Variants in KCNG4 observed in about 807,000 individuals in gnomAD.
The protein encoded by KCNG4 is voltage-gated potassium channel regulatory subunit KCNG4.
In KCNG4, 30 loss-of-function variants were observed where a neutral mutation model predicts 28.2. The ratio of observed to expected loss-of-function variants is 1.06; its 90% CI spans 0.80 to 1.44. The LOEUF is 1.44. KCNG4 is among the 40% of genes most tolerant of loss of function. The pLI, the probability that KCNG4 is intolerant of heterozygous loss-of-function variation, is 0.00. For missense variants in KCNG4, 879 were observed against 712.3 expected, an observed-to-expected ratio of 1.23 and a Z score of -2.66; for synonymous variants, 375 against 315.5, an observed-to-expected ratio of 1.19 and a Z score of -2.00.
rs754613945 is a variant in KCNG4, at chr16:84,237,171, G to T, written c.315C>A (p.Asp105Glu). The stretch of plus-strand genomic sequence containing the variant: ...CGAAGAAGAACTCCTGGCTGTCCTC[G>T]TCGTAATCATCGCAGAGCTGCACGA... ...EEIVQLCDDY[D>E]EDSQEFFFDR... The change falls in exon 2 of 3, where the codon GAC becomes GAA. Residue 105 changes from aspartate to glutamate, a missense_variant. Asp to Glu is a conservative substitution (Grantham distance 45, BLOSUM62 2). Coordinates refer to ENST00000308251, the MANE Select transcript of KCNG4 (RefSeq NM_172347.3). The T allele has an allele frequency of 1.2e-6, 2 of 1,614,098 alleles. No individual in the cohort carries two copies. The highest frequency in any genetic ancestry group is 1.7e-6 in the Non-Finnish European group (2 of 1,180,028).
intron 2 of KCNG4, among the ~76,000 whole-genome samples, chr16:84,223,321 C>T (rs1269250633): frequency 6.6e-6 from 1 of 152,182 alleles, no homozygotes; most frequent in African/African-American, 2.4e-5. Flanking sequence ...CTCTTTCCAT[C>T]CTTCCTGTGA....
intron 2 of KCNG4, among the ~76,000 whole-genome samples, chr16:84,225,424 G>C (rs1362249629): frequency 1.3e-5 from 2 of 152,186 alleles, no homozygotes; most frequent in Non-Finnish European, 2.9e-5. Context: ...AAGCCCCCAG[G>C]GTGCTTGTTG....
At chr16:84,233,367 C>A (rs934172038) in intron 2 of KCNG4, among the ~76,000 whole-genome samples, 1 of 152,122 alleles carries the variant, frequency 6.6e-6, no homozygotes, top group African/African-American at 2.4e-5. Context: ...CACAAAATGG[C>A]CCTGAGGCTG....
rs746151170 is a variant in KCNG4, at chr16:84,222,658, C to G, written c.1119G>C (p.Leu373=). ...TGGCCACGGCCAGGAAGAGAAGGAG[C>G]AGGCCGAACTCACGTGTGCAACGGC... The part of the protein sequence containing the change: ...TVRRCTREFG[L]LLLFLAVAIT... The change falls in exon 3 of 3, where the codon CTG becomes CTC. Residue 373 remains leucine, a synonymous_variant. Transcript: ENST00000308251. The G allele has an allele frequency of 6.2e-7, 1 of 1,613,250 alleles. No homozygotes were observed. The highest frequency in any genetic ancestry group is 1.7e-5 in the Admixed American group (1 of 59,984).
chr16:84,237,124 C>T lies in KCNG4; in HGVS notation c.362G>A (p.Gly121Glu), dbSNP rs139917975. Residue 121 changes from glycine (G) to glutamate (E), a missense_variant, in exon 2 of 3, where the codon GGG (glycine) becomes GAG (glutamate). Gly to Glu is a moderately conservative substitution (Grantham distance 98). Transcript: ENST00000308251. The part of the protein sequence containing the change: ...FFFDRSPSAF[G>E]VIVSFLAAGK... Reference sequence around the variant, plus strand: ...GGCCGCCAGGAAGCTCACGATCACCCCGAAGGCGCTGGGGCTCCTGTCGAA... The same window carrying T: ...GGCCGCCAGGAAGCTCACGATCACCTCGAAGGCGCTGGGGCTCCTGTCGAA... 4.0e-4 allele frequency: 642 copies of T among 1,614,184 alleles called. 2 individuals are homozygous for T. The highest frequency in any genetic ancestry group is 4.9e-4 in the Non-Finnish European group (581 of 1,180,044).
Position 84,231,416 on chromosome 16 carries a change from TG to T in KCNG4, c.756+5313del, listed in dbSNP as rs145517759. 6.4e-3 allele frequency among the ~76,000 whole-genome samples: 973 copies of T among 151,924 alleles called. 10 individuals are homozygous for T. Among genetic ancestry groups the T allele is most frequent in the African/African-American group, 0.023 (941 of 41,412 alleles). ...AAGACAGTCCACTGCAGGTGGCCAG[TG>T]GTGTTCAGGCTGCCAGGAGGGAGGG... is the stretch of plus-strand genomic sequence containing the variant. On this transcript the variant is annotated intron_variant, in intron 2 of 2. Transcript: ENST00000308251.
At chr16:84,237,732 T>C (rs1331962714) in intron 1 of KCNG4, among the ~76,000 whole-genome samples, 2 of 152,188 alleles carry the variant, frequency 1.3e-5, no homozygotes, top group Non-Finnish European at 2.9e-5. Flanking sequence ...AACCCTTCCC[T>C]GGTGGAACCT....
chr16:84,222,804 C>T lies in KCNG4; in HGVS notation c.973G>A (p.Gly325Arg), dbSNP rs7196482. The change falls in exon 3 of 3, where the codon GGG becomes AGG. Residue 325 changes from glycine (G) to arginine (R), a missense_variant. Coordinates refer to ENST00000308251, the MANE Select transcript of KCNG4 (RefSeq NM_172347.3). ...EPPEDGERPS[G>R]SSYLEKVGLV... is the part of the protein sequence containing the mutation. ...CCCACCTTCTCCAGGTAGGAGCTCC[C>T]GCTCGGCCTCTCGCCGTCCTCCGGG... is the stretch of plus-strand genomic sequence containing the variant. The T allele has an allele frequency of 0.22, 353,670 of 1,609,004 alleles. 40,572 individuals carry two copies. The highest frequency in any genetic ancestry group is 0.23 in the South Asian group (20,831 of 90,832).
chr16:84,237,390 C>A lies in KCNG4; in HGVS notation c.96G>T (p.Glu32Asp). 1 of 1,533,208 alleles carries A rather than the reference C, an allele frequency of 6.5e-7. No individual in the cohort carries two copies. The highest frequency in any genetic ancestry group is 8.8e-7 in the Non-Finnish European group (1 of 1,141,838). 95.0% of individuals were successfully genotyped at this position (1,533,208 alleles called of 1,614,324 possible). A position where few individuals can be genotyped will look rare whatever the true frequency, so the allele number is the denominator to read the frequency against. The change falls in exon 2 of 3, where the codon GAG (glutamate) becomes GAT (aspartate). Residue 32 changes from glutamate to aspartate, a missense_variant. Glu to Asp is a conservative substitution (Grantham distance 45). Coordinates refer to ENST00000308251, the MANE Select transcript of KCNG4 (RefSeq NM_172347.3). ...AGTAAAGGCCCTTGATGGACGGCGT[C>A]TCCATGGGGCTGGACAGGAGCTGAC... ...PWSQLLSSPM[E>D]TPSIKGLYYR...
chr16:84,237,903 A>C (rs974236591), intron 1 of KCNG4, among the ~76,000 whole-genome samples: 8 of 152,148 alleles, frequency 5.3e-5, no homozygotes, highest in African/African-American at 1.9e-4. Context: ...ATTCATTCAA[A>C]TGACAAGACT....
intron 2 of KCNG4, 190 bp downstream of exon 2, chr16:84,236,540 T>C (rs1285222180): frequency 2.9e-6 from 2 of 686,786 alleles, no homozygotes; most frequent in South Asian, 2.5e-5. Flanking sequence ...AGGACTCCAA[T>C]AAAAAAAAAA....
rs975751269 is a variant in KCNG4, at chr16:84,233,537, T to C, written c.756+3193A>G. ...GGGCAACATGGGGAAACCCTGTCTT[T>C]ACAAAAAATACAAAAAATTAGCTGG... On this transcript the variant is annotated intron_variant, in intron 2 of 2. Coordinates refer to ENST00000308251, the MANE Select transcript of KCNG4 (RefSeq NM_172347.3). Among the ~76,000 whole-genome samples the C allele has an allele frequency of 2.6e-5, 4 of 152,064 alleles. No individual in the cohort carries two copies. In the East Asian group the frequency reaches 7.7e-4, roughly 29 times the overall value.
rs1197941399 is a variant in KCNG4, at chr16:84,218,739, A to C, written c.*3478T>G. On this transcript the variant is annotated 3_prime_UTR_variant, in exon 3 of 3. Transcript: ENST00000308251. The stretch of plus-strand genomic sequence containing the variant: ...CAATCAATTCCAATTTTCCATGTCT[A>C]ATTTAGCAGAGAATCTCAACTGGGT... 6.6e-6 allele frequency: 1 copy of C among 152,250 alleles called. No individual in the cohort carries two copies. The highest frequency in any genetic ancestry group is 1.5e-5 in the Non-Finnish European group (1 of 68,044). The allele number at this position is 152,250 out of a possible 1,614,324, so 9.4% of individuals were successfully genotyped here. A position where few individuals can be genotyped will look rare whatever the true frequency, so the allele number is the denominator to read the frequency against.
In KCNG4 at chr16:84,234,942, A is replaced by C. The variant is rs866797749; in HGVS notation, c.756+1788T>G. On this transcript the variant is annotated intron_variant, in intron 2 of 2. Transcript: ENST00000308251. ...ACGGAAACACAGACACTCTCTGGGC[A>C]GCACCTCAGCCTGTCTCTGGGCACA... Among the ~76,000 whole-genome samples, 6 of 152,310 alleles carry C rather than the reference A, an allele frequency of 3.9e-5. No individual in the cohort carries two copies. The South Asian group carries it at 1.2e-3, about 32-fold the overall frequency.
chr16:84,232,471 T>A (rs1317812550), intron 2 of KCNG4, among the ~76,000 whole-genome samples: 1 of 152,186 alleles, frequency 6.6e-6, no homozygotes. Flanking sequence ...GGTTTTCTTT[T>A]GGAATGCTGA....
chr16:84,235,148 G>A (rs1240166555), intron 2 of KCNG4, among the ~76,000 whole-genome samples: 5 of 152,154 alleles, frequency 3.3e-5, no homozygotes, highest in African/African-American at 1.2e-4. Context: ...TGTTAAGCCA[G>A]GCCTGGGTTC....
At position 84,220,904 on chromosome 16, in the gene KCNG4, C is replaced by T. The variant is rs1904541634; in HGVS notation, c.*1313G>A. Reference sequence around the variant, plus strand: ...CACAGCCTGTGCACATCACTCTGCCCTCCATAAAGCATTCAAGGCCCACGC... The same window carrying T: ...CACAGCCTGTGCACATCACTCTGCCTTCCATAAAGCATTCAAGGCCCACGC... On this transcript the variant is annotated 3_prime_UTR_variant, in exon 3 of 3. Coordinates refer to ENST00000308251, the MANE Select transcript of KCNG4 (RefSeq NM_172347.3). 6.6e-6 allele frequency: 1 copy of T among 152,408 alleles called. No homozygotes were observed. Among genetic ancestry groups the T allele is most frequent in the Admixed American group, 6.5e-5 (1 of 15,284 alleles). The allele number at this position is 152,408 out of a possible 1,614,324, so 9.4% of individuals were successfully genotyped here. A position where few individuals can be genotyped will look rare whatever the true frequency, so the allele number is the denominator to read the frequency against.
chr16:84,220,687 G>C lies in KCNG4; in HGVS notation c.*1530C>G, dbSNP rs1292733052. The C allele has an allele frequency of 2.0e-5, 3 of 152,254 alleles. No homozygotes were observed. Among genetic ancestry groups the C allele is most frequent in the African/African-American group, 4.8e-5 (2 of 41,452 alleles). The allele number at this position is 152,254 out of a possible 1,614,324, so 9.4% of individuals were successfully genotyped here. On this transcript the variant is annotated 3_prime_UTR_variant, in exon 3 of 3. Coordinates refer to ENST00000308251, the MANE Select transcript of KCNG4 (RefSeq NM_172347.3). ...GAGCCAACAGCAAACTCCTATGTGGGCCATGCCACTCTGGGGAAGTGCCAT... is the reference window on the plus strand; with the variant it reads ...GAGCCAACAGCAAACTCCTATGTGGCCCATGCCACTCTGGGGAAGTGCCAT...
chr16:84,237,696 T>C (rs1347578783), intron 1 of KCNG4, among the ~76,000 whole-genome samples, 171 bp from the exon 2 acceptor site: 2 of 152,216 alleles, frequency 1.3e-5, no homozygotes, highest in East Asian at 3.8e-4. Flanking sequence ...GCACCTACTA[T>C]GTGCTTGGGA....
Sources: gnomAD v4.1 joint callset for allele counts (sites outside exome capture counted in the v4.1 genomes callset) on GRCh38, gnomAD v4.1.1 for gene constraint, MANE v1.5 for transcripts, NCBI Gene and HGNC (gene_info 2026-07-23, HGNC 2026-07-21) for gene names.